Variants in RANBP2 observed in about 807,000 individuals in gnomAD.
RANBP2 encodes E3 SUMO-protein ligase RanBP2.
RANBP2 carries 57 observed loss-of-function variants against 303.6 expected under a neutral mutation model. That is an observed-to-expected ratio of 0.19 (90% CI 0.15 to 0.23). RANBP2 has a LOEUF of 0.23. RANBP2 is among the 10% of genes least tolerant of loss of function. The pLI is 1.00. For missense variants in RANBP2, 3,138 were observed against 3,780.8 expected (o/e 0.83, Z 4.46); for synonymous variants, 1,167 against 1,301.5 (o/e 0.90, Z 2.23).
At chr2:109,467,003 G>A in the RANBP2 span, among the ~76,000 whole-genome samples, 121 of 152,346 alleles carry the variant, frequency 7.9e-4, 1 homozygote, top group African/African-American at 2.6e-3. Flanking sequence ...AGAGAAAGAG[G>A]CTGCATATTT....
At chr2:109,645,873 C>G in the RANBP2 span, among the ~76,000 whole-genome samples, 6 of 152,278 alleles carry the variant, frequency 3.9e-5, no homozygotes, top group East Asian at 9.6e-4. Context: ...CACATACTGG[C>G]TCTCAGGGGT....
At chr2:109,442,380 A>G in the RANBP2 span, among the ~76,000 whole-genome samples, 3 of 152,098 alleles carry the variant, frequency 2.0e-5, no homozygotes, top group African/African-American at 7.2e-5. Context: ...GAAAGAAGGC[A>G]GATGATACCA....
the RANBP2 span, among the ~76,000 whole-genome samples, chr2:109,207,517 A>G: frequency 2.0e-5 from 3 of 152,214 alleles, no homozygotes; most frequent in Admixed American, 2.0e-4. Context: ...GATGCATGTC[A>G]TGGAATTTCA....
At chr2:109,523,843 C>T in the RANBP2 span, among the ~76,000 whole-genome samples, 5 of 152,302 alleles carry the variant, frequency 3.3e-5, no homozygotes, top group East Asian at 3.9e-4. Context: ...AAGCAGCCTG[C>T]GACGGTCTCC....
the RANBP2 span, among the ~76,000 whole-genome samples, chr2:109,042,265 T>C: frequency 6.6e-6 from 1 of 152,248 alleles, no homozygotes. Context: ...TGAGCAGTTT[T>C]ATTTTAAGTA....
the RANBP2 span, among the ~76,000 whole-genome samples, chr2:109,485,260 C>T: frequency 6.6e-6 from 1 of 152,232 alleles, no homozygotes; most frequent in Admixed American, 6.5e-5. Context: ...CACCTGTCTC[C>T]ACATGGCTTA....
At chr2:109,448,842 G>A in the RANBP2 span, among the ~76,000 whole-genome samples, 5 of 152,152 alleles carry the variant, frequency 3.3e-5, no homozygotes, top group African/African-American at 7.2e-5. Flanking sequence ...GTTGGGGACC[G>A]CTGAGTTAAA....
chr2:109,553,071 A>C, the RANBP2 span: 2 of 1,607,368 alleles, frequency 1.2e-6, no homozygotes, highest in Non-Finnish European at 8.5e-7. Context: ...AAATCACATC[A>C]AACCAGCATA....
At chr2:109,446,996 G>A in the RANBP2 span, among the ~76,000 whole-genome samples, 2 of 151,830 alleles carry the variant, frequency 1.3e-5, no homozygotes, top group African/African-American at 2.4e-5. Context: ...CTCGAGGAGC[G>A]GCCTCTGAGT....
the RANBP2 span, among the ~76,000 whole-genome samples, chr2:109,155,761 A>G: frequency 3.9e-5 from 6 of 152,346 alleles, no homozygotes; most frequent in South Asian, 8.3e-4. Context: ...CATCCTGCCA[A>G]TGTTGATCAT....
At chr2:108,791,791 A>C in the RANBP2 span, 1 of 1,584,554 alleles carries the variant, frequency 6.3e-7, no homozygotes, top group African/African-American at 1.4e-5. Context: ...TCTTTTAAAG[A>C]AATAGAAAAA....
At chr2:109,179,061 G>A in the RANBP2 span, among the ~76,000 whole-genome samples, 1 of 146,244 alleles carries the variant, frequency 6.8e-6, no homozygotes, top group Non-Finnish European at 1.5e-5. Flanking sequence ...ATGAGAGTCT[G>A]TAAGTAAACT....
chr2:109,400,679 T>C, the RANBP2 span, among the ~76,000 whole-genome samples: 6 of 116,050 alleles, frequency 5.2e-5, no homozygotes, highest in Non-Finnish European at 1.1e-4. Flanking sequence ...CACACACACA[T>C]TGGTGGATAC....
At chr2:109,576,000 TAA>T in the RANBP2 span, among the ~76,000 whole-genome samples, 2 of 152,138 alleles carry the variant, frequency 1.3e-5, no homozygotes, top group East Asian at 3.9e-4. Context: ...CTCACATCTG[TAA>T]TCCTAGTTGT....
At chr2:108,829,036 A>G in the RANBP2 span, among the ~76,000 whole-genome samples, 4 of 152,192 alleles carry the variant, frequency 2.6e-5, no homozygotes, top group African/African-American at 7.2e-5. Context: ...AATTAAAACT[A>G]TAAAACTCTT....
chr2:108,972,900 C>T, the RANBP2 span, among the ~76,000 whole-genome samples: 14 of 152,222 alleles, frequency 9.2e-5, no homozygotes, highest in Non-Finnish European at 1.6e-4. Flanking sequence ...GAGCTGGGCA[C>T]GCCCAGAACA....
chr2:109,316,733 G>T, the RANBP2 span, among the ~76,000 whole-genome samples: 1 of 152,130 alleles, frequency 6.6e-6, no homozygotes, highest in Admixed American at 6.5e-5. Flanking sequence ...TCTATAATGC[G>T]ATGTATCCAC....
the RANBP2 span, chr2:108,923,421 A>T: frequency 1.2e-6 from 2 of 1,614,174 alleles, no homozygotes; most frequent in East Asian, 2.2e-5. Context: ...CATGCCATAG[A>T]TGTTCCTCGG....
the RANBP2 span, among the ~76,000 whole-genome samples, chr2:109,655,707 CT>C: frequency 1.9e-3 from 291 of 152,264 alleles, no homozygotes; most frequent in African/African-American, 5.8e-3. Flanking sequence ...TCCACTTGAA[CT>C]GTTTGTGTGG....
Sources: gnomAD v4.1 joint callset for allele counts (sites outside exome capture counted in the v4.1 genomes callset) on GRCh38, gnomAD v4.1.1 for gene constraint, MANE v1.5 for transcripts, NCBI Gene and HGNC (gene_info 2026-07-23, HGNC 2026-07-21) for gene names.